The following CTIF variants were observed in gnomAD, a reference collection of about 807,000 sequenced individuals.
CTIF encodes the protein cap binding complex dependent translation initiation factor.
Under a neutral mutation model 66.0 loss-of-function variants are expected in CTIF, and 21 were observed. The ratio of observed to expected loss-of-function variants is 0.32; its 90% CI spans 0.23 to 0.46. The LOEUF (loss-of-function observed/expected upper bound fraction) is 0.46. Ranked by LOEUF, CTIF falls within the 20% of genes least tolerant of loss-of-function variation. The pLI, the probability that CTIF is intolerant of heterozygous loss-of-function variation, is 1.00. For synonymous variants in CTIF, 345 were observed against 326.4 expected (o/e 1.06, Z -0.62); for missense variants, 739 against 812.7 (o/e 0.91, Z 1.10).
At chr18:48,577,055 A>C (rs1317088410) in intron 1 of CTIF, among the ~76,000 whole-genome samples, 1 of 152,182 alleles carries the variant, frequency 6.6e-6, no homozygotes, top group Non-Finnish European at 1.5e-5. Context: ...ATACTGACTG[A>C]GTTTCACAGG....
chr18:48,563,817 G>C (rs1171002195), intron 1 of CTIF, among the ~76,000 whole-genome samples: 1 of 152,192 alleles, frequency 6.6e-6, no homozygotes, highest in Non-Finnish European at 1.5e-5. Context: ...TGGTTGGCCT[G>C]TGCCTGACAC....
intron 10 of CTIF, chr18:48,825,967 T>C (rs1345018732): frequency 1.3e-5 from 2 of 152,182 alleles, no homozygotes. Flanking sequence ...GTGCATTCAG[T>C]GAGCATCCAC....
chr18:48,554,756 A>G (rs569696507), intron 1 of CTIF, among the ~76,000 whole-genome samples: 1 of 152,346 alleles, frequency 6.6e-6, no homozygotes, highest in South Asian at 2.1e-4. Context: ...TGACTTAATC[A>G]CAGATCTGAA....
Position 48,761,558 on chromosome 18 carries a change from G to A in CTIF, c.1240G>A (p.Val414Met). The change falls in exon 9 of 12, where the codon GTG becomes ATG. Residue 414 changes from valine (V) to methionine (M), a missense_variant. By Grantham distance (21) the Val-to-Met change is conservative. Around this residue, in one of 2 missense-constraint regions of CTIF, gnomAD observed 210 missense variants for 292.3 expected, o/e 0.72. Transcript: ENST00000256413. This position sits in a 1 kb window ranked among gnomAD's most constrained non-coding sequence, Gnocchi z 4.2. ...TNSEEMLGEI[V>M]RTIYQKAVSD... ...CTCCGAGGAGATGCTGGGCGAGATCGTGCGCACAATCTACCAGAAGGCTGT... is the reference window on the plus strand; with the variant it reads ...CTCCGAGGAGATGCTGGGCGAGATCATGCGCACAATCTACCAGAAGGCTGT... 9 of 1,614,176 alleles carry A rather than the reference G, an allele frequency of 5.6e-6. No individual in the cohort carries two copies. Among genetic ancestry groups the A allele is most frequent in the East Asian group, 4.5e-5 (2 of 44,892 alleles).
rs546795008 is a variant in CTIF, at chr18:48,757,962, G to A, written c.628G>A (p.Gly210Ser). 6.2e-7 allele frequency: 1 copy of A among 1,613,780 alleles called. No individual in the cohort carries two copies. Among genetic ancestry groups the A allele is most frequent in the East Asian group, 2.2e-5 (1 of 44,872 alleles). ...PPGGNKPQQH[G>S]DHQPGSAKHN... is the part of the protein sequence containing the mutation. ...GGGGGGCAACAAGCCCCAACAGCAT[G>A]GTGACCACCAGCCAGGCAGTGCCAA... The change falls in exon 8 of 12, where the codon GGT becomes AGT. Residue 210 changes from glycine to serine, a missense_variant. Physicochemically the swap from Gly to Ser is moderately conservative, Grantham distance 56. Around this residue, in one of 2 missense-constraint regions of CTIF, gnomAD observed 529 missense variants for 520.3 expected, o/e 1.02. Coordinates refer to ENST00000256413, the MANE Select transcript of CTIF (RefSeq NM_014772.3).
intron 1 of CTIF, among the ~76,000 whole-genome samples, chr18:48,597,263 G>T (rs1204602647): frequency 6.6e-6 from 1 of 152,220 alleles, no homozygotes; most frequent in African/African-American, 2.4e-5. Flanking sequence ...CCTCCAGCGG[G>T]AGACAGACCT....
chr18:48,850,008 A>G (rs1160051683), intron 10 of CTIF, among the ~76,000 whole-genome samples: 1 of 152,088 alleles, frequency 6.6e-6, no homozygotes, highest in Non-Finnish European at 1.5e-5. Context: ...TGTCCCCATG[A>G]AACACTCCCC....
intron 9 of CTIF, among the ~76,000 whole-genome samples, chr18:48,815,385 T>A (rs1260694356): frequency 6.6e-6 from 1 of 152,226 alleles, no homozygotes; most frequent in African/African-American, 2.4e-5. Context: ...ATCTATAAAA[T>A]GGGGCAGTAA....
intron 6 of CTIF, among the ~76,000 whole-genome samples, chr18:48,674,230 A>G (rs1190813442): frequency 6.6e-6 from 1 of 152,238 alleles, no homozygotes; most frequent in Non-Finnish European, 1.5e-5. Flanking sequence ...ACAGATTACC[A>G]CATGCATTCA....
chr18:48,859,668 G>T lies in CTIF; in HGVS notation c.*109G>T. 9.7e-7 allele frequency: 1 copy of T among 1,026,108 alleles called. No homozygotes were observed. 63.6% of individuals were successfully genotyped at this position (1,026,108 alleles called of 1,614,324 possible). A position where few individuals can be genotyped will look rare whatever the true frequency, so the allele number is the denominator to read the frequency against. ...GGCCCTGGCGGGAGAAAGAAATGGG[G>T]AGGAGGGCAGGCAGAGTCGGTGGCC... On this transcript the variant is annotated 3_prime_UTR_variant, in exon 12 of 12. Coordinates refer to ENST00000256413, the MANE Select transcript of CTIF (RefSeq NM_014772.3).
At chr18:48,611,740 G>A (rs1398706632) in intron 1 of CTIF, among the ~76,000 whole-genome samples, 6 of 152,188 alleles carry the variant, frequency 3.9e-5, no homozygotes, top group Non-Finnish European at 7.3e-5. Context: ...TTTTTCATGG[G>A]TAGGTGAAAC....
chr18:48,578,120 A>G (rs1173340440), intron 1 of CTIF, among the ~76,000 whole-genome samples: 1 of 152,142 alleles, frequency 6.6e-6, no homozygotes, highest in Non-Finnish European at 1.5e-5. Flanking sequence ...TAATAGTTTC[A>G]AGGTTCATCC....
intron 7 of CTIF, among the ~76,000 whole-genome samples, chr18:48,727,437 C>T (rs995282017): frequency 6.6e-6 from 1 of 152,180 alleles, no homozygotes. Context: ...TGATTTGTTG[C>T]TCAGATAGCT....
chr18:48,739,232 G>A (rs764606728), intron 7 of CTIF, among the ~76,000 whole-genome samples: 53 of 152,356 alleles, frequency 3.5e-4, no homozygotes, highest in Middle Eastern at 3.4e-3. Flanking sequence ...TCAGGACAGA[G>A]CAGAGGGAGT....
At chr18:48,602,790 G>A (rs929538415) in intron 1 of CTIF, among the ~76,000 whole-genome samples, 2 of 152,186 alleles carry the variant, frequency 1.3e-5, no homozygotes, top group South Asian at 2.1e-4. Flanking sequence ...CATATGGGTG[G>A]ATGGATGGGT....
intron 1 of CTIF, among the ~76,000 whole-genome samples, chr18:48,602,728 T>G (rs9676153): frequency 0.067 from 10,184 of 152,274 alleles, 1,126 homozygotes; most frequent in African/African-American, 0.23. Context: ...TGCCCTTCGT[T>G]TTGTGTCCGT....
intron 3 of CTIF, among the ~76,000 whole-genome samples, chr18:48,642,079 C>G (rs1353549752): frequency 1.3e-5 from 2 of 152,164 alleles, no homozygotes; most frequent in Admixed American, 6.5e-5. Context: ...TTAGCACTTC[C>G]TTGGATACGT....
Position 48,776,435 on chromosome 18 carries a change from G to A in CTIF, c.1371+14746G>A, listed in dbSNP as rs563715101. On this transcript the variant is annotated intron_variant, in intron 9 of 11. Coordinates refer to ENST00000256413, the MANE Select transcript of CTIF (RefSeq NM_014772.3). ...TTGTGCAGGAGGCTGCCATGGGGCG[G>A]GTCTGCACAGCAACACTTGCTGCTT... Among the ~76,000 whole-genome samples, 13 of 152,366 alleles carry A rather than the reference G, an allele frequency of 8.5e-5. No individual in the cohort carries two copies. The East Asian group carries it at 2.5e-3, about 29-fold the overall frequency.
rs200507037 is a variant in CTIF at position 48,745,024 on chromosome 18, G to A, written c.585-12895G>A. On this transcript the variant is annotated intron_variant, in intron 7 of 11. Coordinates refer to ENST00000256413, the MANE Select transcript of CTIF (RefSeq NM_014772.3). ...TTTTTAGTAGAGACAGGGTTTCACC[G>A]TGTTAGCTAGGATGGTCTCGATCTC... Among the ~76,000 whole-genome samples, 49 of 152,154 alleles carry A rather than the reference G, an allele frequency of 3.2e-4. 1 individual carries two copies. Among genetic ancestry groups the A allele is most frequent in the South Asian group, 8.3e-4 (4 of 4,818 alleles).
Sources: allele counts gnomAD v4.1 joint callset (sites outside exome capture counted in the v4.1 genomes callset), GRCh38; gene constraint gnomAD v4.1.1; regional missense constraint gnomAD v4.1.1; non-coding constraint Gnocchi (gnomAD v3.1); transcripts MANE v1.5; gene names NCBI Gene and HGNC (gene_info 2026-07-23, HGNC 2026-07-21).